Variants in SLTM observed in about 807,000 individuals in gnomAD.
SLTM encodes SAFB-like transcription modulator.
A neutral mutation model predicts 134.6 loss-of-function variants in SLTM; 43 were observed. The observed-to-expected ratio is 0.32, with a 90% CI of 0.25 to 0.41. The LOEUF (loss-of-function observed/expected upper bound fraction) is 0.41, where lower values mean the gene tolerates loss of function less well. SLTM is among the 10% of genes least tolerant of loss of function. SLTM has a pLI of 1.00. For missense variants in SLTM, 1,055 were observed against 1,288.8 expected, an observed-to-expected ratio of 0.82 and a Z score of 2.78; for synonymous variants, 424 against 432.3, an observed-to-expected ratio of 0.98 and a Z score of 0.24.
At chr15:58,903,790 G>A (rs1454203043) in intron 5 of SLTM, among the ~76,000 whole-genome samples, 1 of 151,888 alleles carries the variant, frequency 6.6e-6, no homozygotes, top group Non-Finnish European at 1.5e-5. Context: ...CAAACACTGA[G>A]CATTGCTGCC....
At chr15:58,895,099 A>C (rs755066155) in intron 9 of SLTM, among the ~76,000 whole-genome samples, 2 of 152,216 alleles carry the variant, frequency 1.3e-5, no homozygotes, top group African/African-American at 2.4e-5. Flanking sequence ...TAACCTTTTT[A>C]TATTTATTTC....
At chr15:58,887,651 A>C in intron 17 of SLTM, 111 bp from the exon 18 acceptor site, 1 of 1,479,778 alleles carries the variant, frequency 6.8e-7, no homozygotes, top group Non-Finnish European at 8.9e-7. Flanking sequence ...AATGAACTTA[A>C]GGCAAAGCCA....
intron 19 of SLTM, among the ~76,000 whole-genome samples, chr15:58,886,218 AGTGT>A (rs60261686): frequency 0.071 from 8,797 of 124,358 alleles, 294 homozygotes; most frequent in Non-Finnish European, 0.089. Context: ...GAAAAAGAAG[AGTGT>A]GTGTGTGTGT....
chr15:58,932,264 T>TA (rs2037932273), intron 2 of SLTM, 92 bp downstream of exon 2: 1 of 906,832 alleles, frequency 1.1e-6, no homozygotes, highest in Non-Finnish European at 1.8e-6. Flanking sequence ...TAGCAAAGAG[T>TA]AGCACTATAT....
intron 20 of SLTM, among the ~76,000 whole-genome samples, chr15:58,883,030 C>G (rs1197806518): frequency 2.0e-5 from 3 of 152,270 alleles, no homozygotes; most frequent in East Asian, 3.9e-4. Context: ...GATTCATTAT[C>G]TAGACTGAGT....
At chr15:58,885,979 C>T (rs1292002095) in intron 19 of SLTM, among the ~76,000 whole-genome samples, 1 of 152,092 alleles carries the variant, frequency 6.6e-6, no homozygotes, top group Non-Finnish European at 1.5e-5. Context: ...TAGAAGAATA[C>T]TTTTAAATGA....
At chr15:58,904,458 G>A (rs2035725733) in intron 5 of SLTM, among the ~76,000 whole-genome samples, 1 of 151,766 alleles carries the variant, frequency 6.6e-6, no homozygotes, top group African/African-American at 2.4e-5. Context: ...AAGCTAAGAA[G>A]TAAAATAGTC....
chr15:58,906,880 T>G (rs1345908319), intron 5 of SLTM, among the ~76,000 whole-genome samples: 1 of 152,218 alleles, frequency 6.6e-6, no homozygotes, highest in Non-Finnish European at 1.5e-5. Context: ...CTATGTTAAG[T>G]ACGATAGAAC....
At chr15:58,930,892 T>C (rs1042878700) in intron 2 of SLTM, among the ~76,000 whole-genome samples, 1 of 151,896 alleles carries the variant, frequency 6.6e-6, no homozygotes, top group East Asian at 1.9e-4. Context: ...AAAAGGGATA[T>C]ACAGAGAAAT....
Position 58,897,147 on chromosome 15 carries a change from C to G in SLTM, c.1195G>C (p.Asp399His). Residue 399 changes from aspartate to histidine, a missense_variant, in exon 9 of 21, where the codon GAT (aspartate) becomes CAT (histidine). Asp to His is a moderately conservative substitution (Grantham distance 81). This residue lies in a region of SLTM where 776 missense variants were observed against 962.2 expected (regional missense o/e 0.81). Transcript: ENST00000380516. ...TATTTGCCAAAGAGGTTCTTCAAAT[C>G]AGCAGCTTTGGTATTAGATGAAAGT... ...SGLSSNTKAADLKNLFGKYGK... is the reference protein window; with the variant it reads ...SGLSSNTKAAHLKNLFGKYGK... 5 of 1,612,862 alleles carry G rather than the reference C, an allele frequency of 3.1e-6. No individual in the cohort carries two copies. The highest frequency in any genetic ancestry group is 4.2e-6 in the Non-Finnish European group (5 of 1,179,156).
intron 2 of SLTM, 89 bp from the exon 3 acceptor site, chr15:58,917,088 C>T: frequency 1.7e-6 from 2 of 1,171,464 alleles, no homozygotes; most frequent in Non-Finnish European, 2.5e-6. Flanking sequence ...ATAGCACTCT[C>T]CACTCCCAAA....
intron 2 of SLTM, among the ~76,000 whole-genome samples, chr15:58,923,022 T>C (rs1209213222): frequency 6.6e-6 from 1 of 152,144 alleles, no homozygotes; most frequent in African/African-American, 2.4e-5. Flanking sequence ...AGCCGCATTA[T>C]ATATTTTCTG....
At chr15:58,881,008 C>A (rs544827277) in intron 20 of SLTM, among the ~76,000 whole-genome samples, 2 of 152,236 alleles carry the variant, frequency 1.3e-5, no homozygotes, top group African/African-American at 4.8e-5. Context: ...AAAAAGCAGA[C>A]CCCCTCCCCC....
At chr15:58,881,075 T>C (rs1360242791) in intron 20 of SLTM, among the ~76,000 whole-genome samples, 1 of 151,808 alleles carries the variant, frequency 6.6e-6, no homozygotes, top group African/African-American at 2.4e-5. Context: ...TCCCAGCACT[T>C]TGGGAGGCCG....
chr15:58,904,786 C>A (rs1319191926), intron 5 of SLTM, among the ~76,000 whole-genome samples: 1 of 152,078 alleles, frequency 6.6e-6, no homozygotes, highest in Non-Finnish European at 1.5e-5. Context: ...TCTCGGCTAA[C>A]TGAACCCTCC....
intron 2 of SLTM, among the ~76,000 whole-genome samples, chr15:58,919,085 G>T (rs1454482905): frequency 6.6e-6 from 1 of 152,024 alleles, no homozygotes; most frequent in Non-Finnish European, 1.5e-5. Flanking sequence ...CTAATGTTTT[G>T]TATTTTTAGT....
At chr15:58,926,793 T>C (rs547985900) in intron 2 of SLTM, among the ~76,000 whole-genome samples, 15 of 152,132 alleles carry the variant, frequency 9.9e-5, no homozygotes, top group African/African-American at 3.4e-4. Flanking sequence ...TTTGTATTTT[T>C]AGTAGAGAGG....
At chr15:58,909,853 A>T (rs1459471970) in intron 5 of SLTM, among the ~76,000 whole-genome samples, 1 of 152,270 alleles carries the variant, frequency 6.6e-6, no homozygotes, top group Non-Finnish European at 1.5e-5. Context: ...CAACTGGCAA[A>T]CTACATGAGA....
intron 5 of SLTM, among the ~76,000 whole-genome samples, chr15:58,910,258 G>T (rs374986156): frequency 9.1e-4 from 138 of 152,278 alleles, no homozygotes; most frequent in Middle Eastern, 3.4e-3. Context: ...AACAGCTGAA[G>T]CGAGGTGATT....
Sources: gnomAD v4.1 joint callset for allele counts (sites outside exome capture counted in the v4.1 genomes callset) on GRCh38, gnomAD v4.1.1 for gene constraint, gnomAD v4.1.1 regional missense constraint, MANE v1.5 for transcripts, NCBI Gene and HGNC (gene_info 2026-07-23, HGNC 2026-07-21) for gene names.